Variants in EYA1 observed in about 807,000 individuals in gnomAD.
EYA1 encodes protein phosphatase EYA1.
EYA1 carries 16 observed loss-of-function variants against 82.0 expected under a neutral mutation model. The observed-to-expected ratio is 0.20, with a 90% CI of 0.13 to 0.30. EYA1 has a LOEUF of 0.30. EYA1 is among the 10% of genes least tolerant of loss of function. The probability of loss-of-function intolerance (pLI) is 1.00; values close to 1 mark genes in which losing one functional copy is unlikely to be tolerated. For synonymous variants in EYA1, 261 were observed against 264.4 expected (o/e 0.99, Z 0.12); for missense variants, 633 against 730.7 (o/e 0.87, Z 1.54).
chr8:71,466,963 A>C (rs1354297650), intron 2 of EYA1, among the ~76,000 whole-genome samples: 1 of 152,106 alleles, frequency 6.6e-6, no homozygotes, highest in Non-Finnish European at 1.5e-5. Context: ...TGAGATTACT[A>C]TATGTACCTT....
chr8:71,326,706 TTCCC>T (rs1823192266), intron 4 of EYA1, among the ~76,000 whole-genome samples: 2 of 152,134 alleles, frequency 1.3e-5, no homozygotes, highest in Admixed American at 6.6e-5. Context: ...CCTCCCTTCC[TTCCC>T]TCTCTCCTTT....
intron 17 of EYA1, among the ~76,000 whole-genome samples, chr8:71,208,124 T>C (rs557244646): frequency 7.2e-5 from 11 of 152,158 alleles, no homozygotes; most frequent in Non-Finnish European, 1.5e-4. Context: ...CCTCAGCCTG[T>C]TTCCAGTATA....
chr8:71,347,008 C>G (rs763271151), intron 3 of EYA1, among the ~76,000 whole-genome samples: 9 of 152,156 alleles, frequency 5.9e-5, no homozygotes, highest in African/African-American at 9.7e-5. Flanking sequence ...AACTTAGAAA[C>G]TCTTCTAGGT....
Position 71,199,058 on chromosome 8 carries a change from G to C in EYA1, c.*282C>G. 1 of 489,910 alleles carries C rather than the reference G, an allele frequency of 2.0e-6. No homozygotes were observed. The highest frequency in any genetic ancestry group is 3.7e-6 in the Non-Finnish European group (1 of 266,770). The allele number at this position is 489,910 out of a possible 1,614,324, so 30.3% of individuals were successfully genotyped here. A position where few individuals can be genotyped will look rare whatever the true frequency, so the allele number is the denominator to read the frequency against. On this transcript the variant is annotated 3_prime_UTR_variant, in exon 18 of 18. Transcript: ENST00000340726. ...AGCGTTTGCAGGTCCTTTCTTCACA[G>C]GTTTGAACCGTGTAGTTAATGTGGC...
intron 9 of EYA1, among the ~76,000 whole-genome samples, chr8:71,293,244 T>C (rs917533512): frequency 2.6e-5 from 4 of 151,796 alleles, no homozygotes; most frequent in East Asian, 3.9e-4. Flanking sequence ...GAAGGAAAAA[T>C]AGATAATATG....
At chr8:71,416,991 A>T (rs1830887556) in intron 2 of EYA1, among the ~76,000 whole-genome samples, 1 of 152,204 alleles carries the variant, frequency 6.6e-6, no homozygotes, top group Admixed American at 6.5e-5. Context: ...CCATCTAATC[A>T]GCTGCCACCA....
At chr8:71,405,268 AAAC>A (rs930125262) in intron 2 of EYA1, among the ~76,000 whole-genome samples, 39 of 149,456 alleles carry the variant, frequency 2.6e-4, no homozygotes, top group Admixed American at 1.9e-3. Flanking sequence ...CAACAACAAC[AAAC>A]AAGAGATGCT....
chr8:71,334,032 C>A, intron 4 of EYA1, 65 bp downstream of exon 4: 1 of 1,068,914 alleles, frequency 9.4e-7, no homozygotes, highest in Non-Finnish European at 1.5e-6. Flanking sequence ...TACACAGGGA[C>A]ATTACATGAA....
intron 2 of EYA1, among the ~76,000 whole-genome samples, chr8:71,509,730 A>T (rs936346239): frequency 4.6e-5 from 7 of 152,226 alleles, no homozygotes; most frequent in African/African-American, 1.7e-4. Context: ...GCTCACAAAT[A>T]TAAAGAATGC....
intron 2 of EYA1, among the ~76,000 whole-genome samples, chr8:71,444,693 G>A (rs891489814): frequency 6.6e-6 from 1 of 151,508 alleles, no homozygotes; most frequent in African/African-American, 2.4e-5. Context: ...ATAACACCAA[G>A]CCTACACTGA....
chr8:71,284,953 T>C (rs1298456917), intron 9 of EYA1, among the ~76,000 whole-genome samples: 2 of 152,220 alleles, frequency 1.3e-5, no homozygotes, highest in Admixed American at 6.5e-5. Flanking sequence ...ATTTTAAAAA[T>C]GGAAATTTTA....
chr8:71,483,057 C>T (rs1265598899), intron 2 of EYA1, among the ~76,000 whole-genome samples: 1 of 152,228 alleles, frequency 6.6e-6, no homozygotes. Context: ...GACCCCTGCT[C>T]AAGCCCATGA....
At chr8:71,256,372 C>T (rs1034386607) in intron 11 of EYA1, among the ~76,000 whole-genome samples, 2 of 151,970 alleles carry the variant, frequency 1.3e-5, no homozygotes, top group Non-Finnish European at 2.9e-5. Flanking sequence ...ATTATGTAAC[C>T]TTAAAAAGGG....
At chr8:71,407,912 C>T (rs1164621851) in intron 2 of EYA1, among the ~76,000 whole-genome samples, 13 of 148,280 alleles carry the variant, frequency 8.8e-5, no homozygotes, top group African/African-American at 2.7e-4. Flanking sequence ...CTCCAAGACA[C>T]GTAATTGTCA....
chr8:71,346,446 A>ATCTATATATC (rs1047351044), intron 3 of EYA1, among the ~76,000 whole-genome samples: 5 of 135,780 alleles, frequency 3.7e-5, no homozygotes. Context: ...ATATATATAT[A>ATCTATATATC]TATATATATC....
intron 2 of EYA1, among the ~76,000 whole-genome samples, chr8:71,444,409 T>C (rs182279633): frequency 9.3e-4 from 142 of 152,348 alleles, no homozygotes; most frequent in African/African-American, 3.4e-3. Flanking sequence ...AGTTATTGTT[T>C]GGCAGGAACA....
intron 2 of EYA1, among the ~76,000 whole-genome samples, chr8:71,518,634 C>A (rs956701497): frequency 9.2e-5 from 14 of 152,096 alleles, no homozygotes; most frequent in African/African-American, 2.9e-4. Context: ...TAAAGTTTTA[C>A]AACTTCAGCA....
intron 17 of EYA1, among the ~76,000 whole-genome samples, chr8:71,209,115 G>A (rs1380428652): frequency 1.3e-5 from 2 of 152,234 alleles, no homozygotes; most frequent in African/African-American, 4.8e-5. Flanking sequence ...CTGGTCAGAG[G>A]TACAAATCTG....
At chr8:71,459,812 TAGTATGCAA>T (rs1808232179) in intron 2 of EYA1, among the ~76,000 whole-genome samples, 1 of 152,194 alleles carries the variant, frequency 6.6e-6, no homozygotes, top group Non-Finnish European at 1.5e-5. Flanking sequence ...TATTTTTTCT[TAGTATGCAA>T]AGATAACTGT....
Sources: gnomAD v4.1 joint callset for allele counts (sites outside exome capture counted in the v4.1 genomes callset) on GRCh38, gnomAD v4.1.1 for gene constraint, MANE v1.5 for transcripts, NCBI Gene and HGNC (gene_info 2026-07-23, HGNC 2026-07-21) for gene names.